Variants in ANK2 observed in about 807,000 individuals in gnomAD.
ANK2 encodes ankyrin 2, also known as ankyrin-2.
Under a neutral mutation model 360.5 loss-of-function variants are expected in ANK2, and 83 were observed. That is an observed-to-expected ratio of 0.23 (90% CI 0.19 to 0.28). ANK2 has a LOEUF of 0.28. ANK2 is among the 10% of genes least tolerant of loss of function. The pLI is 1.00. For missense variants in ANK2, 4,201 were observed against 4,795.7 expected, an observed-to-expected ratio of 0.88 and a Z score of 3.66; for synonymous variants, 1,740 against 1,759.5, an observed-to-expected ratio of 0.99 and a Z score of 0.28.
intron 24 of ANK2, among the ~76,000 whole-genome samples, chr4:113,312,280 A>AG (rs2080440245): frequency 7.0e-6 from 1 of 142,924 alleles, no homozygotes; most frequent in African/African-American, 2.6e-5. Flanking sequence ...CTTGAGACAG[A>AG]AAAAAAAAAA....
rs541269715 is a variant in ANK2, at chr4:113,155,194, G to T, written c.85-19222G>T. Among the ~76,000 whole-genome samples the T allele has an allele frequency of 2.0e-5, 3 of 152,232 alleles. No individual in the cohort carries two copies. In the South Asian group the frequency reaches 6.2e-4, roughly 32 times the overall value. ...TACTGACATTAGCTTTGTGAACCGAGTATTAACATATGCCTTTATTGGATG... is the reference window on the plus strand; with the variant it reads ...TACTGACATTAGCTTTGTGAACCGATTATTAACATATGCCTTTATTGGATG... On this transcript the variant is annotated intron_variant, in intron 1 of 45. Coordinates refer to ENST00000357077, the MANE Select transcript of ANK2 (RefSeq NM_001148.6).
intron 2 of ANK2, among the ~76,000 whole-genome samples, chr4:113,032,018 C>T (rs1027109687): frequency 1.1e-4 from 16 of 152,006 alleles, no homozygotes; most frequent in Admixed American, 3.9e-4. Flanking sequence ...TGAGCCCAAT[C>T]GAGTACTTTA....
At chr4:112,829,491 C>CAAAAAAAAA (rs60272903) in intron 1 of ANK2, among the ~76,000 whole-genome samples, 40 of 60,672 alleles carry the variant, frequency 6.6e-4, no homozygotes, top group African/African-American at 1.7e-3. Context: ...CCCATCTCTA[C>CAAAAAAAAA]AAAAAAAAAA....
At chr4:113,095,939 G>A (rs2090851140) in intron 1 of ANK2, among the ~76,000 whole-genome samples, 1 of 152,064 alleles carries the variant, frequency 6.6e-6, no homozygotes, top group East Asian at 1.9e-4. Context: ...ATGTCCCTCT[G>A]GTCTATCACC....
chr4:113,016,014 CT>C (rs140780322), intron 2 of ANK2, among the ~76,000 whole-genome samples: 1 of 150,420 alleles, frequency 6.6e-6, no homozygotes. Context: ...TCTCATATGG[CT>C]TTTTTTTTCA....
chr4:113,362,454 T>C (rs967289239), intron 39 of ANK2, among the ~76,000 whole-genome samples: 6 of 152,132 alleles, frequency 3.9e-5, no homozygotes, highest in Admixed American at 3.9e-4. Context: ...TGTTTTGTTT[T>C]GTTTTACAGA....
intron 1 of ANK2, among the ~76,000 whole-genome samples, chr4:113,058,721 T>C (rs1404535958): frequency 6.6e-6 from 1 of 152,112 alleles, no homozygotes; most frequent in African/African-American, 2.4e-5. Flanking sequence ...GCCAATAATT[T>C]AAAATGAAAA....
Position 112,918,993 on chromosome 4 carries a change from A to C in ANK2, c.21+14479A>C, listed in dbSNP as rs989154566. On this transcript the variant is annotated intron_variant, in intron 2 of 30. Transcript: ENST00000503271. The stretch of plus-strand genomic sequence containing the variant: ...CCCTGATTACTTCTGCTTTCTATGG[A>C]ATTTCTATTTTCTTTCACTTTTTAG... Among the ~76,000 whole-genome samples the C allele has an allele frequency of 5.3e-5, 8 of 152,132 alleles. No individual in the cohort carries two copies. The South Asian group carries it at 1.7e-3, about 32-fold the overall frequency.
intron 1 of ANK2, among the ~76,000 whole-genome samples, chr4:112,829,170 AGTGAATGAATGAATG>A (rs1172444978): frequency 2.0e-5 from 3 of 152,084 alleles, no homozygotes; most frequent in Non-Finnish European, 4.4e-5. Context: ...TAAATGAATG[AGTGAATGAATGAATG>A]AATGAATAAA....
At chr4:113,146,793 A>G (rs1419456653) in intron 1 of ANK2, among the ~76,000 whole-genome samples, 3 of 151,900 alleles carry the variant, frequency 2.0e-5, no homozygotes, top group Admixed American at 1.3e-4. Flanking sequence ...CAAGTTATTT[A>G]TTTGCATGAA....
intron 2 of ANK2, among the ~76,000 whole-genome samples, chr4:112,973,317 T>C (rs1469365931): frequency 1.3e-5 from 2 of 152,064 alleles, no homozygotes; most frequent in Non-Finnish European, 1.5e-5. Flanking sequence ...CTCTAGCAAA[T>C]AGGCGTGGCA....
At chr4:113,294,276 G>A (rs2069742016) in intron 22 of ANK2, among the ~76,000 whole-genome samples, 1 of 152,090 alleles carries the variant, frequency 6.6e-6, no homozygotes, top group Admixed American at 6.5e-5. Context: ...CTCCTGAGAG[G>A]GGGCTCCTAC....
At chr4:113,264,473 C>A (rs1360065893) in intron 13 of ANK2, among the ~76,000 whole-genome samples, 1 of 152,046 alleles carries the variant, frequency 6.6e-6, no homozygotes, top group Non-Finnish European at 1.5e-5. Context: ...TCAAGAGTAT[C>A]CTGGATGTTC....
At chr4:113,057,372 G>A (rs1195206743) in intron 1 of ANK2, among the ~76,000 whole-genome samples, 1 of 152,184 alleles carries the variant, frequency 6.6e-6, no homozygotes, top group Non-Finnish European at 1.5e-5. Context: ...TAATGTGTGA[G>A]TATAAAGGAA....
At chr4:113,133,564 G>T (rs1270346276) in intron 1 of ANK2, among the ~76,000 whole-genome samples, 1 of 152,068 alleles carries the variant, frequency 6.6e-6, no homozygotes, top group African/African-American at 2.4e-5. Flanking sequence ...ACCACGTAAT[G>T]TCTGATTTGT....
At chr4:113,199,488 C>A (rs1430732707) in intron 4 of ANK2, among the ~76,000 whole-genome samples, 1 of 152,038 alleles carries the variant, frequency 6.6e-6, no homozygotes, top group Non-Finnish European at 1.5e-5. Context: ...GATTTACATT[C>A]CAGTGGAAAA....
intron 1 of ANK2, chr4:113,151,086 T>C (rs1212403496): frequency 7.8e-7 from 1 of 1,288,836 alleles, no homozygotes; most frequent in Non-Finnish European, 1.0e-6. Flanking sequence ...ACAGGTGACA[T>C]GCCCCCAGAT....
At chr4:113,300,246 G>A (rs1435899743) in intron 22 of ANK2, among the ~76,000 whole-genome samples, 1 of 152,082 alleles carries the variant, frequency 6.6e-6, no homozygotes, top group Non-Finnish European at 1.5e-5. Flanking sequence ...CTAGAAATAT[G>A]CAGGCAAGCT....
intron 4 of ANK2, among the ~76,000 whole-genome samples, chr4:113,204,357 C>T (rs1162688176): frequency 6.6e-6 from 1 of 152,004 alleles, no homozygotes; most frequent in Non-Finnish European, 1.5e-5. Flanking sequence ...GGTAAATTTC[C>T]CTTCCTTTTA....
Sources: allele counts gnomAD v4.1 joint callset (sites outside exome capture counted in the v4.1 genomes callset), GRCh38; gene constraint gnomAD v4.1.1; transcripts MANE v1.5; gene names NCBI Gene and HGNC (gene_info 2026-07-23, HGNC 2026-07-21).